RAI1: variants seen among roughly 807,000 people sequenced by gnomAD.
RAI1 encodes the protein retinoic acid-induced protein 1.
In RAI1, 9 loss-of-function variants were observed where a neutral mutation model predicts 123.8. That is an observed-to-expected ratio of 0.07 (90% CI 0.04 to 0.13). The LOEUF is 0.13. Among genes scored for constraint, RAI1 ranks in the 10% least tolerant of loss-of-function variants. The pLI, the probability that RAI1 is intolerant of heterozygous loss-of-function variation, is 1.00. For synonymous variants in RAI1, 1,231 were observed against 1,127.3 expected (o/e 1.09, Z -1.84); for missense variants, 2,256 against 2,545.8 (o/e 0.89, Z 2.45).
chr17:17,756,303 T>G lies in RAI1; in HGVS notation c.-17+32144T>G, dbSNP rs563347497. Among the ~76,000 whole-genome samples the G allele has an allele frequency of 6.6e-5, 10 of 152,100 alleles. No individual in the cohort carries two copies. In the East Asian group the frequency reaches 1.7e-3, roughly 27 times the overall value. ...ACCTCTGCCTCCCAGGTTCAAGTGATTCTCCTGCCTCAGCCTCCCAGGTTG... is the reference window on the plus strand; with the variant it reads ...ACCTCTGCCTCCCAGGTTCAAGTGAGTCTCCTGCCTCAGCCTCCCAGGTTG... On this transcript the variant is annotated intron_variant, in intron 2 of 5. Coordinates refer to ENST00000353383, the MANE Select transcript of RAI1 (RefSeq NM_030665.4).
intron 2 of RAI1, among the ~76,000 whole-genome samples, chr17:17,771,288 A>G (rs1045110392): frequency 6.6e-5 from 10 of 152,184 alleles, no homozygotes; most frequent in Non-Finnish European, 1.2e-4. Flanking sequence ...CCATCCATCA[A>G]ATTCGTTCAC....
chr17:17,802,572 C>T (rs1453224763), intron 3 of RAI1, among the ~76,000 whole-genome samples: 2 of 151,688 alleles, frequency 1.3e-5, no homozygotes, highest in South Asian at 4.1e-4. Flanking sequence ...GTCAGGAGAT[C>T]GAGACCATCC....
chr17:17,763,373 G>T (rs996945709), intron 2 of RAI1, among the ~76,000 whole-genome samples: 4 of 152,214 alleles, frequency 2.6e-5, no homozygotes, highest in African/African-American at 9.6e-5. Flanking sequence ...AGGAGCCTGT[G>T]TGTCTCACTC....
Position 17,800,915 on chromosome 17 carries a change from A to G in RAI1, c.5565+2402A>G, listed in dbSNP as rs1299089416. Among the ~76,000 whole-genome samples, 1 of 152,204 alleles carries G rather than the reference A, an allele frequency of 6.6e-6. No individual in the cohort carries two copies. Among genetic ancestry groups the G allele is most frequent in the African/African-American group, 2.4e-5 (1 of 41,456 alleles). On this transcript the variant is annotated intron_variant, in intron 3 of 5. Transcript: ENST00000353383. The surrounding 1 kb of genome is among the most constrained non-coding windows in gnomAD (Gnocchi z 4.7). ...TTCCATAGCTCCAGGCGAGTCACGC[A>G]TGCTCTGAGAACTCCACAATGTCAA...
At chr17:17,734,468 G>A (rs1186238402) in intron 2 of RAI1, among the ~76,000 whole-genome samples, 5 of 152,164 alleles carry the variant, frequency 3.3e-5, no homozygotes, top group African/African-American at 7.2e-5. Flanking sequence ...TTGGGGGGAT[G>A]TTAAGGAGGT....
intron 1 of RAI1, among the ~76,000 whole-genome samples, chr17:17,690,483 G>A (rs1055156470): frequency 6.6e-6 from 1 of 152,072 alleles, no homozygotes; most frequent in Non-Finnish European, 1.5e-5. Flanking sequence ...CAGCAGGACT[G>A]CCTGCCTCTG....
intron 1 of RAI1, among the ~76,000 whole-genome samples, chr17:17,710,339 G>A (rs902026078): frequency 6.6e-6 from 1 of 152,160 alleles, no homozygotes; most frequent in East Asian, 1.9e-4. Context: ...TGGAGACCCC[G>A]GGGTACCCAT....
chr17:17,717,244 G>A (rs1386159852), intron 1 of RAI1, among the ~76,000 whole-genome samples: 1 of 152,080 alleles, frequency 6.6e-6, no homozygotes, highest in Non-Finnish European at 1.5e-5. Context: ...CCCCTTGGTG[G>A]CTTCCTGGCC....
chr17:17,684,376 A>G (rs1914549170), intron 1 of RAI1: 1 of 151,564 alleles, frequency 6.6e-6, no homozygotes, highest in Admixed American at 6.6e-5. Context: ...TTAATTACTG[A>G]TTGCTACCCA....
chr17:17,783,150 G>A (rs932465866), intron 2 of RAI1, among the ~76,000 whole-genome samples: 3 of 152,184 alleles, frequency 2.0e-5, no homozygotes, highest in Admixed American at 2.0e-4. Flanking sequence ...CATGGCGAGT[G>A]CAGCGCCCCC....
At chr17:17,734,104 C>T (rs915664652) in intron 2 of RAI1, among the ~76,000 whole-genome samples, 1 of 152,036 alleles carries the variant, frequency 6.6e-6, no homozygotes, top group African/African-American at 2.4e-5. Context: ...GAGGAGGATG[C>T]CTGAGGCAGA....
intron 3 of RAI1, 24 bp from the exon 4 acceptor site, chr17:17,803,732 C>T: frequency 6.2e-7 from 1 of 1,605,326 alleles, no homozygotes; most frequent in Non-Finnish European, 8.5e-7. Flanking sequence ...GGAGACTCAC[C>T]TGCCTTTCCT....
intron 2 of RAI1, among the ~76,000 whole-genome samples, chr17:17,769,316 G>C (rs2031055690): frequency 6.6e-6 from 1 of 152,208 alleles, no homozygotes; most frequent in Non-Finnish European, 1.5e-5. Flanking sequence ...CAAAAGGAGA[G>C]GGAGACAAGG....
At chr17:17,723,339 A>ACC (rs35272447) in intron 1 of RAI1, among the ~76,000 whole-genome samples, 45 of 134,856 alleles carry the variant, frequency 3.3e-4, no homozygotes, top group East Asian at 9.8e-4. Flanking sequence ...TTGTATCCAG[A>ACC]CCCCCCCCCC....
intron 1 of RAI1, among the ~76,000 whole-genome samples, chr17:17,711,999 T>C (rs1435980231): frequency 1.3e-5 from 2 of 152,274 alleles, no homozygotes; most frequent in African/African-American, 2.4e-5. Context: ...TGGATTTTTA[T>C]GTGAACTCTC....
intron 2 of RAI1, among the ~76,000 whole-genome samples, chr17:17,776,086 A>G (rs1598071376): frequency 6.6e-6 from 1 of 152,216 alleles, no homozygotes; most frequent in Non-Finnish European, 1.5e-5. Context: ...CCTCATCCGT[A>G]AAATGGGAGG....
At chr17:17,773,546 A>T (rs1357175833) in intron 2 of RAI1, among the ~76,000 whole-genome samples, 1 of 152,192 alleles carries the variant, frequency 6.6e-6, no homozygotes, top group Non-Finnish European at 1.5e-5. Flanking sequence ...TTAATGGCAC[A>T]TCTATAAAAT....
Position 17,796,119 on chromosome 17 carries a change from T to G in RAI1, c.3171T>G (p.Thr1057=), listed in dbSNP as rs1390614567. 6.3e-7 allele frequency: 1 copy of G among 1,584,442 alleles called. No homozygotes were observed. The highest frequency in any genetic ancestry group is 1.8e-5 in the Admixed American group (1 of 55,904). ...GASEGLPRMC[T]RSLTALSEPR... ...CGGAAGGGCTCCCCAGGATGTGTAC[T>G]CGTTCTCTCACGGCCCTGAGTGAGC... The change falls in exon 3 of 6, where the codon ACT becomes ACG. Residue 1057 remains threonine (T), a synonymous_variant. Coordinates refer to ENST00000353383, the MANE Select transcript of RAI1 (RefSeq NM_030665.4). This position sits in a 1 kb window ranked among gnomAD's most constrained non-coding sequence, Gnocchi z 5.8.
At chr17:17,804,876 A>ATTTATTTT (rs2032565890) in intron 4 of RAI1, among the ~76,000 whole-genome samples, 1 of 143,558 alleles carries the variant, frequency 7.0e-6, no homozygotes, top group Non-Finnish European at 1.5e-5. Flanking sequence ...TTATTTATTT[A>ATTTATTTT]TTTTTGAGAC....
Sources: gnomAD v4.1 joint callset for allele counts (sites outside exome capture counted in the v4.1 genomes callset) on GRCh38, gnomAD v4.1.1 for gene constraint, Gnocchi (gnomAD v3.1) non-coding constraint, MANE v1.5 for transcripts, NCBI Gene and HGNC (gene_info 2026-07-23, HGNC 2026-07-21) for gene names.